Variants in XXYLT1 observed in about 807,000 individuals in gnomAD.
XXYLT1 encodes xyloside xylosyltransferase 1, also known as UDP-xylose:alpha-xyloside alpha-1,3-xylosyltransferase.
Under a neutral mutation model 28.9 loss-of-function variants are expected in XXYLT1, and 20 were observed. The observed-to-expected ratio is 0.69, with a 90% confidence interval of 0.49 to 1.00. The LOEUF is 1.00. XXYLT1 is among the 50% of genes least tolerant of loss of function. XXYLT1 has a pLI of 0.00. For synonymous variants in XXYLT1, 257 were observed against 253.8 expected (o/e 1.01, Z -0.12); for missense variants, 542 against 560.1 (o/e 0.97, Z 0.33).
rs555614983 is a variant in XXYLT1 at position 195,245,672 on chromosome 3, G to T, written c.505-18816C>A. On this transcript the variant is annotated intron_variant, in intron 1 of 3. Coordinates refer to ENST00000310380, the MANE Select transcript of XXYLT1 (RefSeq NM_152531.5). ...ATGTTGGAGTGTGATTCGCAACGCC[G>T]GACTGGGGCCTGGTGGGAGGTACGG... Among the ~76,000 whole-genome samples the T allele has an allele frequency of 1.4e-4, 21 of 152,316 alleles. 1 individual carries two copies. The highest frequency in any genetic ancestry group is 4.6e-4 in the African/African-American group (19 of 41,582).
At chr3:195,155,928 C>T (rs1338976066) in intron 3 of XXYLT1, among the ~76,000 whole-genome samples, 1 of 152,220 alleles carries the variant, frequency 6.6e-6, no homozygotes. Flanking sequence ...GTTCTCAGTC[C>T]TGGAGTTTCT....
chr3:195,197,609 GCAT>G (rs1282451813), intron 2 of XXYLT1, among the ~76,000 whole-genome samples: 2 of 152,112 alleles, frequency 1.3e-5, no homozygotes, highest in Admixed American at 6.6e-5. Flanking sequence ...TCATAGTATG[GCAT>G]CATAAAATGG....
At position 195,114,254 on chromosome 3, in the gene XXYLT1, G is replaced by A. The variant is rs574966582; in HGVS notation, c.785+42195C>T. Among the ~76,000 whole-genome samples the A allele has an allele frequency of 2.4e-4, 37 of 152,322 alleles. 1 individual carries two copies. The highest frequency in any genetic ancestry group is 1.2e-3 in the South Asian group (6 of 4,826). On this transcript the variant is annotated intron_variant, in intron 3 of 3. Transcript: ENST00000310380. Reference sequence around the variant, plus strand: ...TGGCCCCCTTCTCGCTCCTCCACGTGAAGCCCTGAACTCAGCTGCCCAAAT... The same window carrying A: ...TGGCCCCCTTCTCGCTCCTCCACGTAAAGCCCTGAACTCAGCTGCCCAAAT...
intron 1 of XXYLT1, among the ~76,000 whole-genome samples, chr3:195,231,646 G>C (rs1163097935): frequency 2.6e-5 from 4 of 151,990 alleles, no homozygotes; most frequent in Non-Finnish European, 5.9e-5. Context: ...TGATCATATG[G>C]TTTTTGCCCT....
At chr3:195,093,588 A>C (rs1716235940) in intron 3 of XXYLT1, among the ~76,000 whole-genome samples, 1 of 150,658 alleles carries the variant, frequency 6.6e-6, no homozygotes, top group Admixed American at 6.6e-5. Context: ...CTAGATGACG[A>C]GTTAGTGGGT....
intron 1 of XXYLT1, among the ~76,000 whole-genome samples, chr3:195,259,023 G>T (rs559615121): frequency 6.6e-6 from 1 of 152,190 alleles, no homozygotes; most frequent in Non-Finnish European, 1.5e-5. Context: ...CACCTATTCC[G>T]GTACCATTAT....
intron 3 of XXYLT1, among the ~76,000 whole-genome samples, chr3:195,079,975 G>C (rs1715338067): frequency 6.6e-6 from 1 of 152,118 alleles, no homozygotes. Context: ...TTCACAGAAG[G>C]GCCCCCAGAA....
rs1407038217 is a variant in XXYLT1 at position 195,088,826 on chromosome 3, C to T, written c.786-18715G>A. 3.8e-3 allele frequency among the ~76,000 whole-genome samples: 556 copies of T among 144,604 alleles called. 4 individuals are homozygous for T. The highest frequency in any genetic ancestry group is 0.014 in the African/African-American group (536 of 39,402). 94.9% of individuals were successfully genotyped at this position (144,604 alleles called of 152,430 possible). ...CTAGAATAACCAATACAGAGAAGTG[C>T]TTAAAGGAGCTGATGGAGCTGAAAA... On this transcript the variant is annotated intron_variant, in intron 3 of 3. Coordinates refer to ENST00000310380, the MANE Select transcript of XXYLT1 (RefSeq NM_152531.5).
Position 195,109,701 on chromosome 3 carries a change from G to T in XXYLT1, c.786-39590C>A, listed in dbSNP as rs796255044. Among the ~76,000 whole-genome samples, 2 of 40,528 alleles carry T rather than the reference G, an allele frequency of 4.9e-5. 1 individual carries two copies. The highest frequency in any genetic ancestry group is 5.2e-4 in the Admixed American group (2 of 3,870). The allele number at this position is 40,528 out of a possible 152,430, so 26.6% of individuals were successfully genotyped here. On this transcript the variant is annotated intron_variant, in intron 3 of 3. Transcript: ENST00000310380. ...GTTGTATGAGTGTGTGTGGTGTCTG[G>T]TGTGTGTGGTGTATGAGTGTGCGTG...
At chr3:195,084,663 T>G (rs1253219281) in intron 3 of XXYLT1, among the ~76,000 whole-genome samples, 4 of 152,188 alleles carry the variant, frequency 2.6e-5, no homozygotes, top group African/African-American at 9.7e-5. Context: ...TTGCTGTATT[T>G]TAGTGAGTTA....
intron 2 of XXYLT1, among the ~76,000 whole-genome samples, chr3:195,208,583 C>T (rs1723174202): frequency 6.6e-6 from 1 of 152,192 alleles, no homozygotes; most frequent in Admixed American, 6.5e-5. Flanking sequence ...GCCATGCAAG[C>T]TTCAGTTCTG....
At chr3:195,136,681 CACAGG>C (rs934728800) in intron 3 of XXYLT1, among the ~76,000 whole-genome samples, 2 of 152,250 alleles carry the variant, frequency 1.3e-5, no homozygotes, top group African/African-American at 4.8e-5. Context: ...CGTTCAAGCA[CACAGG>C]ACGACAGCAC....
At chr3:195,136,186 C>A (rs1043061165) in intron 3 of XXYLT1, among the ~76,000 whole-genome samples, 5 of 152,136 alleles carry the variant, frequency 3.3e-5, no homozygotes, top group African/African-American at 1.2e-4. Context: ...AGAAATGCAG[C>A]CTTTGCCAAA....
Position 195,257,130 on chromosome 3 carries a change from C to A in XXYLT1, c.504+13425G>T, listed in dbSNP as rs1240352208. Among the ~76,000 whole-genome samples, 1 of 152,196 alleles carries A rather than the reference C, an allele frequency of 6.6e-6. No homozygotes were observed. The highest frequency in any genetic ancestry group is 1.5e-5 in the Non-Finnish European group (1 of 68,032). On this transcript the variant is annotated intron_variant, in intron 1 of 3. Transcript: ENST00000310380. This position sits in a 1 kb window ranked among gnomAD's most constrained non-coding sequence, Gnocchi z 4.3. Reference sequence around the variant, plus strand: ...AGGCCTCTGTAAGCGGCCAAGGACGCCATGTCCCGCAAGTCTGAGCAGCAT... The same window carrying A: ...AGGCCTCTGTAAGCGGCCAAGGACGACATGTCCCGCAAGTCTGAGCAGCAT...
chr3:195,229,030 C>T (rs566707615), intron 1 of XXYLT1, among the ~76,000 whole-genome samples: 54 of 152,212 alleles, frequency 3.5e-4, no homozygotes, highest in South Asian at 1.9e-3. Flanking sequence ...CTAGGCTGGT[C>T]TCGAACTCCT....
At chr3:195,188,202 T>C (rs887299074) in intron 2 of XXYLT1, among the ~76,000 whole-genome samples, 1 of 152,252 alleles carries the variant, frequency 6.6e-6, no homozygotes, top group African/African-American at 2.4e-5. Flanking sequence ...ACCACAAATA[T>C]AGGATTTGCT....
chr3:195,081,388 C>A (rs1045179280), intron 3 of XXYLT1, among the ~76,000 whole-genome samples: 1 of 152,186 alleles, frequency 6.6e-6, no homozygotes, highest in Non-Finnish European at 1.5e-5. Context: ...GAGCAGGGCC[C>A]GGGGACAGGC....
chr3:195,094,943 A>G (rs572834642), intron 3 of XXYLT1, among the ~76,000 whole-genome samples: 9 of 152,262 alleles, frequency 5.9e-5, no homozygotes, highest in African/African-American at 2.2e-4. Context: ...CTCTCACATA[A>G]GAGTTACTAG....
At chr3:195,148,772 AG>A (rs1171844630) in intron 3 of XXYLT1, among the ~76,000 whole-genome samples, 1 of 152,214 alleles carries the variant, frequency 6.6e-6, no homozygotes, top group Non-Finnish European at 1.5e-5. Context: ...TTTCAGACTG[AG>A]GAACTTGAAG....
Sources: allele counts gnomAD v4.1 joint callset (sites outside exome capture counted in the v4.1 genomes callset), GRCh38; gene constraint gnomAD v4.1.1; non-coding constraint Gnocchi (gnomAD v3.1); transcripts MANE v1.5; gene names NCBI Gene and HGNC (gene_info 2026-07-23, HGNC 2026-07-21).